SLC16A1: variants seen among roughly 807,000 people sequenced by gnomAD.
The protein encoded by SLC16A1 is solute carrier family 16 member 1.
In SLC16A1, 11 loss-of-function variants were observed where a neutral mutation model predicts 32.2. The ratio of observed to expected loss-of-function variants is 0.34; its 90% confidence interval spans 0.21 to 0.56. SLC16A1 has a LOEUF of 0.56. Among genes scored for constraint, SLC16A1 ranks in the 20% least tolerant of loss-of-function variants. SLC16A1 has a pLI of 0.87. For synonymous variants in SLC16A1, 231 were observed against 226.8 expected (o/e 1.02, Z -0.17); for missense variants, 435 against 615.0 (o/e 0.71, Z 3.10).
intron 1 of SLC16A1, chr1:112,955,436 G>A (rs1650045632): frequency 6.6e-6 from 1 of 152,310 alleles, no homozygotes; most frequent in Non-Finnish European, 1.5e-5. Context: ...CCAGGAGTCT[G>A]CGGGCTGCCC....
At chr1:112,955,419 AC>A (rs1158807668) in intron 1 of SLC16A1, 1 of 152,236 alleles carries the variant, frequency 6.6e-6, no homozygotes, top group Non-Finnish European at 1.5e-5. Context: ...CCCCGTCAGC[AC>A]CACTCCCAGG....
At chr1:112,918,168 G>A (rs1345663368) in intron 3 of SLC16A1, 124 bp from the exon 4 acceptor site, 1 of 720,426 alleles carries the variant, frequency 1.4e-6, no homozygotes, top group African/African-American at 1.9e-5. Flanking sequence ...ATGTTATGTA[G>A]TGGTTTAAAG....
At chr1:112,945,152 C>T (rs561181041) in intron 1 of SLC16A1, among the ~76,000 whole-genome samples, 1 of 152,106 alleles carries the variant, frequency 6.6e-6, no homozygotes, top group East Asian at 2.0e-4. Context: ...GTGCCTGCCA[C>T]CGTGCCTGCC....
chr1:112,924,107 G>A, intron 2 of SLC16A1: 1 of 1,344,994 alleles, frequency 7.4e-7, no homozygotes, highest in Non-Finnish European at 1.1e-6. Context: ...AGGCCCTGCA[G>A]GCCGCGTATG....
At chr1:112,922,520 T>C (rs2101626674) in intron 2 of SLC16A1, 1 of 254,724 alleles carries the variant, frequency 3.9e-6, no homozygotes, top group African/African-American at 2.3e-5. Flanking sequence ...ACGCCTGTAA[T>C]CCCAGCACTT....
At chr1:112,955,573 G>A (rs989678635) in intron 1 of SLC16A1, 1 of 152,436 alleles carries the variant, frequency 6.6e-6, no homozygotes, top group South Asian at 2.1e-4. Context: ...GGTTGGGGCG[G>A]ACAATGTCAC....
chr1:112,942,567 T>C (rs963411687), intron 1 of SLC16A1, among the ~76,000 whole-genome samples: 3 of 152,248 alleles, frequency 2.0e-5, no homozygotes, highest in Admixed American at 6.5e-5. Flanking sequence ...TAACCAGCAT[T>C]AAGAGCTACT....
rs765301781 is a variant in SLC16A1, at chr1:112,917,777, G to C, written c.629C>G (p.Ser210Cys). Residue 210 changes from serine to cysteine, a missense_variant, in exon 4 of 5, where the codon TCT becomes TGT. Around this residue, in one of 2 missense-constraint regions of SLC16A1, gnomAD observed 324 missense variants for 500.3 expected, o/e 0.65. Transcript: ENST00000369626. This position sits in a 1 kb window ranked among gnomAD's most constrained non-coding sequence, Gnocchi z 4.1. ...PKPTKAGKDK[S>C]KASLEKAGKS... ...TCCAGCTTTCTCAAGGGATGCTTTA[G>C]ACTTATCTTTCCCTGCCTTGGTTGG... is the stretch of plus-strand genomic sequence containing the variant. 6 of 1,614,046 alleles carry C rather than the reference G, an allele frequency of 3.7e-6. No homozygotes were observed. In the East Asian group the frequency reaches 6.7e-5, roughly 18 times the overall value.
chr1:112,951,169 TCTC>T (rs2101654120), intron 1 of SLC16A1, among the ~76,000 whole-genome samples: 1 of 151,892 alleles, frequency 6.6e-6, no homozygotes, highest in East Asian at 1.9e-4. Flanking sequence ...ATTGTAAAAA[TCTC>T]CTATAACACT....
At chr1:112,949,712 C>T (rs1649821907) in intron 1 of SLC16A1, among the ~76,000 whole-genome samples, 1 of 150,628 alleles carries the variant, frequency 6.6e-6, no homozygotes, top group Admixed American at 6.6e-5. Flanking sequence ...ATTTTTTTTT[C>T]TTAAACAAAT....
chr1:112,928,990 C>T, intron 2 of SLC16A1, 102 bp downstream of exon 2: 3 of 828,744 alleles, frequency 3.6e-6, no homozygotes, highest in Non-Finnish European at 5.8e-6. Context: ...CATTTCAAAA[C>T]ATCTCACTGA....
In SLC16A1 at chr1:112,929,093, T is replaced by TC; in HGVS notation, c.215dup (p.Gly73ArgfsTer10). 1 of 1,612,432 alleles carries TC rather than the reference T, an allele frequency of 6.2e-7. No homozygotes were observed. ...GAGCAGGCCTTAATGGGTACTTACC[T>TC]CCACCATACATGACAGCCAACATTA... On this transcript the variant is annotated frameshift_variant and splice_region_variant, in exon 2 of 5. Transcript: ENST00000369626. LOFTEE classifies it high-confidence loss of function.
rs1201112399 is a variant in SLC16A1 at position 112,928,502 on chromosome 1, A to C, written c.217+590T>G. On this transcript the variant is annotated intron_variant, in intron 2 of 4. Transcript: ENST00000369626. ...ACAGTATTTTAGATGATGTTAAGTGAGCAACTTACTTCCAACATTTCCTTT... is the reference window on the plus strand; with the variant it reads ...ACAGTATTTTAGATGATGTTAAGTGCGCAACTTACTTCCAACATTTCCTTT... Among the ~76,000 whole-genome samples the C allele has an allele frequency of 2.0e-5, 3 of 152,230 alleles. No homozygotes were observed. In the East Asian group the frequency reaches 5.8e-4, roughly 29 times the overall value.
At chr1:112,933,904 T>C (rs1475742220) in intron 1 of SLC16A1, among the ~76,000 whole-genome samples, 2 of 152,308 alleles carry the variant, frequency 1.3e-5, no homozygotes, top group East Asian at 1.9e-4. Context: ...AAAAATTCTC[T>C]AGCAGCTTGA....
At chr1:112,954,264 C>G (rs1173998106) in intron 1 of SLC16A1, among the ~76,000 whole-genome samples, 1 of 152,190 alleles carries the variant, frequency 6.6e-6, no homozygotes, top group Non-Finnish European at 1.5e-5. Flanking sequence ...GCTGAGAAAT[C>G]TATTTTCAGG....
intron 4 of SLC16A1, among the ~76,000 whole-genome samples, chr1:112,916,101 A>T (rs1648492802): frequency 6.6e-6 from 1 of 152,086 alleles, no homozygotes; most frequent in Non-Finnish European, 1.5e-5. Context: ...ATACAAAATG[A>T]TAAGGACAGT....
intron 2 of SLC16A1, 195 bp from the exon 3 acceptor site, chr1:112,922,328 T>C: frequency 1.6e-6 from 1 of 607,420 alleles, no homozygotes; most frequent in East Asian, 2.8e-5. Context: ...TTGTGCAGGT[T>C]CTAAATCTAA....
intron 2 of SLC16A1, chr1:112,923,330 C>G: frequency 2.2e-6 from 1 of 464,516 alleles, no homozygotes; most frequent in Admixed American, 3.2e-5. Context: ...AACAGCAATC[C>G]CTAAAGCCAC....
chr1:112,930,750 A>C (rs1328295479), intron 1 of SLC16A1, among the ~76,000 whole-genome samples: 1 of 146,588 alleles, frequency 6.8e-6, no homozygotes, highest in Non-Finnish European at 1.5e-5. Flanking sequence ...TTTGAGACAG[A>C]GTCTCACTCT....
Sources: gnomAD v4.1 joint callset for allele counts (sites outside exome capture counted in the v4.1 genomes callset) on GRCh38, gnomAD v4.1.1 for gene constraint, gnomAD v4.1.1 regional missense constraint, Gnocchi (gnomAD v3.1) non-coding constraint, MANE v1.5 for transcripts, NCBI Gene and HGNC (gene_info 2026-07-23, HGNC 2026-07-21) for gene names.